The following ASIC2 variants were observed in gnomAD, a reference collection of about 807,000 sequenced individuals.
ASIC2 encodes the protein acid sensing ion channel subunit 2.
A neutral mutation model predicts 57.3 loss-of-function variants in ASIC2; 25 were observed. The ratio of observed to expected loss-of-function variants is 0.44; its 90% CI spans 0.32 to 0.61. The LOEUF (loss-of-function observed/expected upper bound fraction) is 0.61, where lower values mean the gene tolerates loss of function less well. Ranked by LOEUF, ASIC2 falls within the 20% of genes least tolerant of loss-of-function variation. ASIC2 has a pLI of 0.06. For missense variants in ASIC2, 641 were observed against 738.1 expected (o/e 0.87, Z 1.52); for synonymous variants, 319 against 307.5 (o/e 1.04, Z -0.39).
intron 1 of ASIC2, chr17:34,039,081 A>G (rs1907999887): frequency 6.2e-7 from 1 of 1,613,946 alleles, no homozygotes; most frequent in Non-Finnish European, 8.5e-7. Flanking sequence ...TCACACATCT[A>G]TTTAATCGTT....
At chr17:33,425,352 C>T (rs1026379994) in intron 1 of ASIC2, among the ~76,000 whole-genome samples, 3 of 152,192 alleles carry the variant, frequency 2.0e-5, no homozygotes, top group African/African-American at 7.2e-5. Flanking sequence ...GATGCCAAAG[C>T]CAGTGATCTT....
intron 1 of ASIC2, among the ~76,000 whole-genome samples, chr17:33,257,317 C>A (rs1909116985): frequency 6.6e-6 from 1 of 152,186 alleles, no homozygotes; most frequent in Non-Finnish European, 1.5e-5. Flanking sequence ...ATGGGTGAGG[C>A]CCTGCCCCGC....
At chr17:33,713,168 G>A (rs1909107366) in intron 1 of ASIC2, among the ~76,000 whole-genome samples, 1 of 152,212 alleles carries the variant, frequency 6.6e-6, no homozygotes, top group Non-Finnish European at 1.5e-5. Context: ...TAAGAGGAGA[G>A]GAGATTACAT....
intron 1 of ASIC2, among the ~76,000 whole-genome samples, chr17:33,882,731 C>T (rs1386677684): frequency 6.6e-6 from 1 of 152,146 alleles, no homozygotes; most frequent in Non-Finnish European, 1.5e-5. Context: ...ACTAGAAATA[C>T]CATTTGACCC....
At chr17:33,160,888 C>A (rs1905143057) in intron 1 of ASIC2, among the ~76,000 whole-genome samples, 1 of 152,168 alleles carries the variant, frequency 6.6e-6, no homozygotes, top group Non-Finnish European at 1.5e-5. Context: ...AGCAAGTGTG[C>A]TTAGGGTGGA....
chr17:33,900,108 A>G (rs932194583), intron 1 of ASIC2, among the ~76,000 whole-genome samples: 2 of 152,242 alleles, frequency 1.3e-5, no homozygotes, highest in African/African-American at 4.8e-5. Flanking sequence ...AACCGCACAT[A>G]GTAGACACTA....
At chr17:33,799,352 C>T (rs989076771) in intron 1 of ASIC2, among the ~76,000 whole-genome samples, 1 of 136,060 alleles carries the variant, frequency 7.3e-6, no homozygotes, top group Non-Finnish European at 1.6e-5. Flanking sequence ...TCCTCTCTTT[C>T]TCTTTCTTTC....
intron 1 of ASIC2, among the ~76,000 whole-genome samples, chr17:33,180,351 A>C (rs1905930228): frequency 6.6e-6 from 1 of 152,210 alleles, no homozygotes; most frequent in Non-Finnish European, 1.5e-5. Flanking sequence ...GGTCTGAATT[A>C]GGGTAACCAG....
At chr17:33,946,434 C>T (rs1160996593) in intron 1 of ASIC2, among the ~76,000 whole-genome samples, 4 of 152,156 alleles carry the variant, frequency 2.6e-5, no homozygotes, top group Non-Finnish European at 5.9e-5. Flanking sequence ...TGAATCAGAC[C>T]TCTTCTGAGC....
chr17:33,144,167 A>C (rs1478155471), intron 1 of ASIC2, among the ~76,000 whole-genome samples: 10 of 149,976 alleles, frequency 6.7e-5, no homozygotes, highest in Admixed American at 2.0e-4. Flanking sequence ...CAAAAAAAAA[A>C]ACGAAAAACA....
chr17:34,033,613 T>C (rs1000012356), intron 1 of ASIC2, among the ~76,000 whole-genome samples: 3 of 152,028 alleles, frequency 2.0e-5, no homozygotes, highest in South Asian at 2.1e-4. Context: ...TGATAGACCG[T>C]TAGCAAGACT....
At chr17:33,479,682 G>A (rs1298472437) in intron 1 of ASIC2, among the ~76,000 whole-genome samples, 1 of 152,162 alleles carries the variant, frequency 6.6e-6, no homozygotes, top group Non-Finnish European at 1.5e-5. Context: ...ACCCGTGCTG[G>A]GGCTTGCTTG....
intron 1 of ASIC2, among the ~76,000 whole-genome samples, chr17:33,147,646 G>A (rs1904614519): frequency 6.6e-6 from 1 of 152,124 alleles, no homozygotes; most frequent in Non-Finnish European, 1.5e-5. Context: ...CTGTGTTTGT[G>A]CCATAGGAGG....
chr17:33,995,284 A>G (rs1465674803), intron 1 of ASIC2, among the ~76,000 whole-genome samples: 8 of 152,172 alleles, frequency 5.3e-5, no homozygotes, highest in Admixed American at 3.3e-4. Context: ...TGGGTGAATT[A>G]GGCCCTTTTC....
At chr17:33,177,988 A>G (rs1905828028) in intron 1 of ASIC2, among the ~76,000 whole-genome samples, 1 of 152,176 alleles carries the variant, frequency 6.6e-6, no homozygotes, top group South Asian at 2.1e-4. Context: ...GTGTGCGTGC[A>G]CATACATACA....
intron 1 of ASIC2, among the ~76,000 whole-genome samples, chr17:34,026,565 CT>C (rs1907387060): frequency 6.6e-6 from 1 of 152,172 alleles, no homozygotes; most frequent in Non-Finnish European, 1.5e-5. Flanking sequence ...TCACTGCTAA[CT>C]CAATAAAAGT....
chr17:33,917,097 G>A (rs59093088), intron 1 of ASIC2, among the ~76,000 whole-genome samples: 20,783 of 152,022 alleles, frequency 0.14, 1,602 homozygotes, highest in African/African-American at 0.21. Context: ...TGTTTGCATC[G>A]CTCCTCCTGC....
At chr17:33,463,720 C>T (rs1015922212) in intron 1 of ASIC2, among the ~76,000 whole-genome samples, 1 of 152,210 alleles carries the variant, frequency 6.6e-6, no homozygotes, top group Non-Finnish European at 1.5e-5. Flanking sequence ...ATTAGTGTCC[C>T]TAAGTCCTGG....
At chr17:33,562,221 ATT>A (rs3032156) in intron 1 of ASIC2, among the ~76,000 whole-genome samples, 85,609 of 149,992 alleles carry the variant, frequency 0.57, 25,346 homozygotes, top group African/African-American at 0.75. Flanking sequence ...CTTGTAACAC[ATT>A]TTTTTTTTTT....
Sources: gnomAD v4.1 joint callset for allele counts (sites outside exome capture counted in the v4.1 genomes callset) on GRCh38, gnomAD v4.1.1 for gene constraint, MANE v1.5 for transcripts, NCBI Gene and HGNC (gene_info 2026-07-23, HGNC 2026-07-21) for gene names.